The following CATSPERE variants were observed in gnomAD, a reference collection of about 807,000 sequenced individuals.
CATSPERE encodes cation channel sperm-associated auxiliary subunit epsilon.
In CATSPERE, 93 loss-of-function variants were observed where a neutral mutation model predicts 114.1. That is an observed-to-expected ratio of 0.81 (90% CI 0.69 to 0.97). The LOEUF is 0.97. CATSPERE is among the 50% of genes least tolerant of loss of function. The probability of loss-of-function intolerance (pLI) is 0.00; values close to 1 mark genes in which losing one functional copy is unlikely to be tolerated. For synonymous variants in CATSPERE, 341 were observed against 384.1 expected, an observed-to-expected ratio of 0.89 and a Z score of 1.31; for missense variants, 1,058 against 1,131.6, an observed-to-expected ratio of 0.93 and a Z score of 0.93.
intron 8 of CATSPERE, among the ~76,000 whole-genome samples, chr1:244,520,876 T>C (rs975173193): frequency 3.9e-5 from 6 of 152,218 alleles, no homozygotes; most frequent in Non-Finnish European, 5.9e-5. Context: ...AAAGAAACAA[T>C]TATTATTTAA....
At chr1:244,616,501 C>T (rs1248470865) in intron 19 of CATSPERE, among the ~76,000 whole-genome samples, 2 of 152,126 alleles carry the variant, frequency 1.3e-5, no homozygotes, top group African/African-American at 2.4e-5. Context: ...GGTGGGAAGT[C>T]CAAGATCAAG....
At chr1:244,482,846 T>C (rs535778046) in intron 5 of CATSPERE, among the ~76,000 whole-genome samples, 1 of 152,180 alleles carries the variant, frequency 6.6e-6, no homozygotes, top group Non-Finnish European at 1.5e-5. Flanking sequence ...AATGAATGAT[T>C]CCTTGCTTTT....
intron 19 of CATSPERE, among the ~76,000 whole-genome samples, chr1:244,614,552 G>A (rs182212037): frequency 9.4e-4 from 143 of 152,306 alleles, no homozygotes; most frequent in African/African-American, 3.3e-3. Flanking sequence ...AGGTCTGTCC[G>A]AGTCGAGCGG....
intron 7 of CATSPERE, among the ~76,000 whole-genome samples, chr1:244,508,536 T>G (rs1030565748): frequency 6.6e-6 from 1 of 151,650 alleles, no homozygotes. Context: ...ACCCTGACCT[T>G]GTGATCCGCC....
At chr1:244,451,261 G>A (rs1317214539), upstream of CATSPERE, among the ~76,000 whole-genome samples, 1 of 152,180 alleles carries the variant, frequency 6.6e-6, no homozygotes, top group Non-Finnish European at 1.5e-5. The surrounding 1 kb of genome is among the most constrained non-coding windows in gnomAD (Gnocchi z 6.6). Context: ...AGAGTTGGGA[G>A]CAGGCCTCGG....
chr1:244,535,436 C>G (rs1395550362), intron 8 of CATSPERE, among the ~76,000 whole-genome samples: 1 of 152,206 alleles, frequency 6.6e-6, no homozygotes, highest in Non-Finnish European at 1.5e-5. Flanking sequence ...ACCTGGTGCT[C>G]TATTTTTCTG....
chr1:244,631,709 A>G (rs546643769), intron 20 of CATSPERE, among the ~76,000 whole-genome samples: 1 of 152,354 alleles, frequency 6.6e-6, no homozygotes, highest in African/African-American at 2.4e-5. Flanking sequence ...AATGTTCAAC[A>G]TGTTTATGTC....
rs540011886 is a variant in CATSPERE, at chr1:244,535,401, C to T, written c.536+16703C>T. ...AGAGGTACCATCTGGGAGCCAAAGC[C>T]TGGAGTCAGAAACCTTAGAAATCTA... On this transcript the variant is annotated intron_variant, in intron 8 of 21. Coordinates refer to ENST00000366534, the MANE Select transcript of CATSPERE (RefSeq NM_001130957.2). Among the ~76,000 whole-genome samples, 169 of 152,326 alleles carry T rather than the reference C, an allele frequency of 1.1e-3. 1 individual carries two copies. The highest frequency in any genetic ancestry group is 2.7e-3 in the Admixed American group (41 of 15,304).
chr1:244,638,823 T>C (rs368343904), intron 21 of CATSPERE, among the ~76,000 whole-genome samples: 1 of 152,360 alleles, frequency 6.6e-6, no homozygotes, highest in South Asian at 2.1e-4. Flanking sequence ...AACTTCTACA[T>C]GTATCTTAGA....
chr1:244,560,467 C>T (rs1283031321), intron 9 of CATSPERE, among the ~76,000 whole-genome samples: 2 of 151,960 alleles, frequency 1.3e-5, no homozygotes, highest in African/African-American at 4.8e-5. Context: ...GTACAGTGTA[C>T]ACTGCTCAGG....
chr1:244,490,466 A>C lies in CATSPERE; in HGVS notation c.346A>C (p.Thr116Pro). The part of the protein sequence containing the change: ...YRVRHFFNNF[T>P]QLITVWAYDP... ...AAGCAGACATTTCTTTAACAACTTTACCCAGGTAAAATATTTTTTAAATTT... is the reference window on the plus strand; with the variant it reads ...AAGCAGACATTTCTTTAACAACTTTCCCCAGGTAAAATATTTTTTAAATTT... The change falls in exon 6 of 22, where the codon ACC becomes CCC. Residue 116 changes from threonine to proline, a missense_variant. Transcript: ENST00000366534. 6.5e-7 allele frequency: 1 copy of C among 1,530,432 alleles called. No homozygotes were observed. Among genetic ancestry groups the C allele is most frequent in the South Asian group, 1.1e-5 (1 of 87,532 alleles). 94.8% of individuals were successfully genotyped at this position (1,530,432 alleles called of 1,614,324 possible). A position where few individuals can be genotyped will look rare whatever the true frequency, so the allele number is the denominator to read the frequency against.
intron 7 of CATSPERE, among the ~76,000 whole-genome samples, chr1:244,508,621 T>C (rs913165251): frequency 6.6e-6 from 1 of 151,848 alleles, no homozygotes; most frequent in African/African-American, 2.4e-5. Flanking sequence ...CTGTTTTTTC[T>C]ATGTTGATTT....
chr1:244,451,945 C>T (rs1179382596), upstream of CATSPERE: 1 of 999,536 alleles, frequency 1.0e-6, no homozygotes, highest in East Asian at 3.0e-5. This position sits in a 1 kb window ranked among gnomAD's most constrained non-coding sequence, Gnocchi z 6.6. Context: ...GCCCCCGCCC[C>T]GCCGGGCCGC....
chr1:244,548,613 G>A (rs1220654919), intron 8 of CATSPERE, among the ~76,000 whole-genome samples: 1 of 152,198 alleles, frequency 6.6e-6, no homozygotes, highest in Non-Finnish European at 1.5e-5. Context: ...ATTTCACAAA[G>A]CATTTCTTTT....
intron 7 of CATSPERE, among the ~76,000 whole-genome samples, chr1:244,500,952 C>T (rs1021847517): frequency 6.6e-6 from 1 of 152,196 alleles, no homozygotes. Flanking sequence ...GCCATTTTCA[C>T]AACATTGATT....
intron 19 of CATSPERE, among the ~76,000 whole-genome samples, chr1:244,612,080 TGGAGTGCCCACGCCAGGC>T (rs1558592818): frequency 6.6e-6 from 1 of 152,030 alleles, no homozygotes; most frequent in Non-Finnish European, 1.5e-5. Context: ...AGAAAGACTC[TGGAGTGCCCACGCCAGGC>T]CCTGCGTGTT....
At chr1:244,499,221 T>C (rs1405065649) in intron 7 of CATSPERE, 142 bp downstream of exon 7, 9 of 524,590 alleles carry the variant, frequency 1.7e-5, no homozygotes, top group Non-Finnish European at 3.1e-5. Context: ...CCCTTTTAGT[T>C]TAGCCATTAT....
intron 7 of CATSPERE, among the ~76,000 whole-genome samples, chr1:244,502,647 T>C (rs1674239150): frequency 6.6e-6 from 1 of 152,166 alleles, no homozygotes; most frequent in Non-Finnish European, 1.5e-5. Context: ...CCTTCGAAAG[T>C]GTCTTAACCT....
chr1:244,619,821 T>C (rs1022238562), intron 20 of CATSPERE, among the ~76,000 whole-genome samples: 4 of 152,138 alleles, frequency 2.6e-5, no homozygotes. Flanking sequence ...GTATAATCCA[T>C]AAGGAAGATA....
Sources: gnomAD v4.1 joint callset for allele counts (sites outside exome capture counted in the v4.1 genomes callset) on GRCh38, gnomAD v4.1.1 for gene constraint, Gnocchi (gnomAD v3.1) non-coding constraint, MANE v1.5 for transcripts, NCBI Gene and HGNC (gene_info 2026-07-23, HGNC 2026-07-21) for gene names.